The following SNX25 variants were observed in gnomAD, a reference collection of about 807,000 sequenced individuals.
SNX25 encodes sorting nexin-25.
In SNX25, 62 loss-of-function variants were observed where a neutral mutation model predicts 113.7. That is an observed-to-expected ratio of 0.55 (90% CI 0.44 to 0.67). The LOEUF (loss-of-function observed/expected upper bound fraction) is 0.67, where lower values mean the gene tolerates loss of function less well. SNX25 is among the 30% of genes least tolerant of loss of function. The pLI is 0.00. For missense variants in SNX25, 1,014 were observed against 1,161.0 expected (o/e 0.87, Z 1.84); for synonymous variants, 421 against 436.2 (o/e 0.97, Z 0.43).
downstream of SNX25, among the ~76,000 whole-genome samples, chr4:185,370,343 A>G (rs1413249587): frequency 6.6e-6 from 1 of 152,198 alleles, no homozygotes; most frequent in Non-Finnish European, 1.5e-5. Context: ...TCTAGATGAA[A>G]GAAAAACTGT....
intron 2 of SNX25, among the ~76,000 whole-genome samples, chr4:185,256,319 G>A (rs1746420767): frequency 6.6e-6 from 1 of 152,168 alleles, no homozygotes; most frequent in Admixed American, 6.5e-5. Context: ...GTCATTGTTT[G>A]TGAACAAAAA....
intron 1 of SNX25, among the ~76,000 whole-genome samples, chr4:185,212,481 G>T (rs1229048410): frequency 7.2e-5 from 5 of 69,504 alleles, no homozygotes; most frequent in South Asian, 5.0e-4. Context: ...GTGTGTGTGT[G>T]TGTGTGTGTG....
In SNX25 at chr4:185,288,060, T is replaced by C. The variant is rs1751592143; in HGVS notation, c.1140T>C (p.Phe380=). 1 of 1,613,608 alleles carries C rather than the reference T, an allele frequency of 6.2e-7. No homozygotes were observed. The highest frequency in any genetic ancestry group is 8.5e-7 in the Non-Finnish European group (1 of 1,179,842). The change falls in exon 6 of 19, where the codon TTT becomes TTC. Residue 380 remains phenylalanine, a synonymous_variant. Coordinates refer to ENST00000652585, the MANE Select transcript of SNX25 (RefSeq NM_001378034.2). ...TCCAGGCGACTACAATTAGCAGCTT[T>C]CCCCAACTGAAGAGGCACAAAGGTA... The part of the protein sequence containing the change: ...EIIQATTISS[F]PQLKRHKGKE...
At chr4:185,227,199 T>A (rs1284033471) in intron 1 of SNX25, among the ~76,000 whole-genome samples, 1 of 152,290 alleles carries the variant, frequency 6.6e-6, no homozygotes, top group Non-Finnish European at 1.5e-5. Context: ...TTTGGGCAGG[T>A]GCCCGTTTGT....
intron 1 of SNX25, among the ~76,000 whole-genome samples, chr4:185,222,101 G>A (rs1232863332): frequency 9.2e-5 from 2 of 21,680 alleles, no homozygotes; most frequent in African/African-American, 2.7e-4. Flanking sequence ...CCTCCTTCAC[G>A]GTAGATATAT....
intron 13 of SNX25, among the ~76,000 whole-genome samples, chr4:185,351,173 A>C (rs1249303426): frequency 1.3e-5 from 2 of 152,228 alleles, no homozygotes; most frequent in African/African-American, 2.4e-5. Context: ...AAGCAGTGCA[A>C]AGCGGAGTGA....
At chr4:185,347,886 G>A (rs1288070787) in intron 13 of SNX25, among the ~76,000 whole-genome samples, 2 of 151,806 alleles carry the variant, frequency 1.3e-5, no homozygotes, top group Admixed American at 6.6e-5. Context: ...TACAAATATT[G>A]TCCCCCTTTC....
chr4:185,371,404 T>A (rs184089869), downstream of SNX25, among the ~76,000 whole-genome samples: 1 of 152,092 alleles, frequency 6.6e-6, no homozygotes, highest in Non-Finnish European at 1.5e-5. Context: ...TAGCTGGGCA[T>A]GGTAGCGGGT....
chr4:185,260,501 C>T (rs561779405), intron 3 of SNX25, among the ~76,000 whole-genome samples: 7 of 152,212 alleles, frequency 4.6e-5, no homozygotes, highest in African/African-American at 1.7e-4. Context: ...GGCAAATGAT[C>T]GAAATCAGAG....
Position 185,258,874 on chromosome 4 carries a change from A to C in SNX25, c.541A>C (p.Ile181Leu). The change falls in exon 3 of 19, where the codon ATT becomes CTT. Residue 181 changes from isoleucine to leucine, a missense_variant. Transcript: ENST00000652585. ...EVFDYSYRDY[I>L]LSWYGNLSRD... ...GTTCGACTACAGTTATAGAGATTAC[A>C]TTCTGTCCTGGTATGGAAACCTCAG... The C allele has an allele frequency of 6.2e-7, 1 of 1,613,972 alleles. No individual in the cohort carries two copies. The highest frequency in any genetic ancestry group is 8.5e-7 in the Non-Finnish European group (1 of 1,179,886).
At chr4:185,315,783 C>T (rs534587116) in intron 7 of SNX25, among the ~76,000 whole-genome samples, 10 of 152,206 alleles carry the variant, frequency 6.6e-5, no homozygotes, top group African/African-American at 2.4e-4. Flanking sequence ...AAGTCCTTAA[C>T]AAAAATACTG....
chr4:185,230,347 G>T (rs2126404087), intron 1 of SNX25, among the ~76,000 whole-genome samples: 1 of 150,530 alleles, frequency 6.6e-6, no homozygotes, highest in Non-Finnish European at 1.5e-5. Context: ...AAACCTTTCT[G>T]ATTTTCCTAA....
At chr4:185,316,098 C>A (rs983429440) in intron 7 of SNX25, among the ~76,000 whole-genome samples, 2 of 152,136 alleles carry the variant, frequency 1.3e-5, no homozygotes, top group African/African-American at 4.8e-5. Flanking sequence ...TTTGTAATTT[C>A]TCTTTGGAGC....
intron 10 of SNX25, among the ~76,000 whole-genome samples, chr4:185,333,968 G>C (rs1257342609): frequency 6.7e-6 from 1 of 149,560 alleles, no homozygotes; most frequent in Non-Finnish European, 1.5e-5. Context: ...AAGATCTCTT[G>C]AATCTGGAAA....
intron 1 of SNX25, among the ~76,000 whole-genome samples, chr4:185,240,355 G>C (rs1163862502): frequency 6.6e-6 from 1 of 151,280 alleles, no homozygotes; most frequent in Non-Finnish European, 1.5e-5. Context: ...GGGCAGAGGC[G>C]CCTCTCACCT....
chr4:185,253,740 A>G (rs1361622769), intron 2 of SNX25, among the ~76,000 whole-genome samples: 1 of 152,224 alleles, frequency 6.6e-6, no homozygotes, highest in East Asian at 1.9e-4. Context: ...AAGTGCTGGG[A>G]TTACAGGCGT....
At chr4:185,290,749 T>G (rs1486369510) in intron 6 of SNX25, among the ~76,000 whole-genome samples, 1 of 152,214 alleles carries the variant, frequency 6.6e-6, no homozygotes, top group African/African-American at 2.4e-5. Flanking sequence ...AAGTATTAGT[T>G]TCTCTCTGCC....
the SNX25 span, among the ~76,000 whole-genome samples, chr4:185,375,942 C>T: frequency 2.0e-5 from 3 of 152,098 alleles, no homozygotes; most frequent in African/African-American, 7.2e-5. Context: ...CCTCAGCAAA[C>T]ATTTGTTGCC....
At chr4:185,267,915 A>G (rs1028836189) in intron 5 of SNX25, among the ~76,000 whole-genome samples, 2 of 152,170 alleles carry the variant, frequency 1.3e-5, no homozygotes, top group African/African-American at 4.8e-5. Flanking sequence ...AGAAAGAGAA[A>G]ATATATTTAC....
Sources: allele counts gnomAD v4.1 joint callset (sites outside exome capture counted in the v4.1 genomes callset), GRCh38; gene constraint gnomAD v4.1.1; transcripts MANE v1.5; gene names NCBI Gene and HGNC (gene_info 2026-07-23, HGNC 2026-07-21).